CA12: variants seen among roughly 807,000 people sequenced by gnomAD.
CA12 encodes carbonate dehydratase XII.
A neutral mutation model predicts 46.8 loss-of-function variants in CA12; 36 were observed. That is an observed-to-expected ratio of 0.77 (90% CI 0.59 to 1.02). The LOEUF is 1.02. Ranked by LOEUF, CA12 falls within the 50% of genes least tolerant of loss-of-function variation. The pLI is 0.00. For missense variants in CA12, 436 were observed against 451.4 expected, an observed-to-expected ratio of 0.97 and a Z score of 0.31; for synonymous variants, 202 against 187.0, an observed-to-expected ratio of 1.08 and a Z score of -0.65.
At chr15:63,356,357 C>T (rs2039295516) in intron 2 of CA12, among the ~76,000 whole-genome samples, 1 of 152,156 alleles carries the variant, frequency 6.6e-6, no homozygotes, top group Non-Finnish European at 1.5e-5. Context: ...TGCGCCACTG[C>T]ACTCCGGCCT....
chr15:63,348,615 C>T lies in CA12; in HGVS notation c.107-1906G>A, dbSNP rs569903989. On this transcript the variant is annotated intron_variant, in intron 2 of 10. Coordinates refer to ENST00000178638, the MANE Select transcript of CA12 (RefSeq NM_001218.5). The surrounding 1 kb of genome is among the most constrained non-coding windows in gnomAD (Gnocchi z 4.6). The stretch of plus-strand genomic sequence containing the variant: ...CAGCCAGGCATGAATGCAAAAAACT[C>T]AGGAAGTAAAGAGATGCATCATTGA... Among the ~76,000 whole-genome samples, 2 of 152,234 alleles carry T rather than the reference C, an allele frequency of 1.3e-5. No homozygotes were observed. Among genetic ancestry groups the T allele is most frequent in the Non-Finnish European group, 2.9e-5 (2 of 68,046 alleles).
chr15:63,369,670 G>A (rs1006213252), intron 2 of CA12, among the ~76,000 whole-genome samples: 6 of 151,694 alleles, frequency 4.0e-5, no homozygotes, highest in African/African-American at 1.5e-4. Flanking sequence ...TAGATGCCAT[G>A]ATTCTCATCT....
chr15:63,353,243 T>C (rs1272944002), intron 2 of CA12, among the ~76,000 whole-genome samples: 1 of 152,066 alleles, frequency 6.6e-6, no homozygotes, highest in Non-Finnish European at 1.5e-5. Flanking sequence ...AAGCAGATGA[T>C]GCAGGCAGGC....
intron 2 of CA12, among the ~76,000 whole-genome samples, chr15:63,349,578 CT>C (rs1457829930): frequency 6.6e-6 from 1 of 152,192 alleles, no homozygotes. Context: ...ATCCTTATAA[CT>C]CTATAACCTT....
At chr15:63,337,027 G>A (rs373972078) in intron 8 of CA12, among the ~76,000 whole-genome samples, 14 of 152,322 alleles carry the variant, frequency 9.2e-5, no homozygotes, top group Non-Finnish European at 1.3e-4. Context: ...AAAAGACAGC[G>A]TTGTATCCAT....
chr15:63,342,049 C>A lies in CA12; in HGVS notation c.478G>T (p.Ala160Ser), dbSNP rs1309973812. ...GCGAGGCCTTCTGACTTGTTGCTGG[C>A]AGTGCTGGCGTCAGGATAAAGGTCT... ...NSDLYPDAST[A>S]SNKSEGLAVL... Residue 160 changes from alanine to serine, a missense_variant, in exon 5 of 11, where the codon GCC becomes TCC. Physicochemically the swap from Ala to Ser is moderately conservative, Grantham distance 99. Coordinates refer to ENST00000178638, the MANE Select transcript of CA12 (RefSeq NM_001218.5). 2.5e-6 allele frequency: 4 copies of A among 1,614,062 alleles called. No homozygotes were observed. The highest frequency in any genetic ancestry group is 2.5e-6 in the Non-Finnish European group (3 of 1,179,924).
intron 2 of CA12, among the ~76,000 whole-genome samples, chr15:63,349,074 T>C (rs1461964808): frequency 6.6e-6 from 1 of 152,080 alleles, no homozygotes; most frequent in Non-Finnish European, 1.5e-5. Context: ...AGAATGAGAT[T>C]CCAGCATCAG....
Position 63,342,025 on chromosome 15 carries a change from CGAGGCCTTCT to C in CA12, c.492_501del (p.Glu165LeufsTer26). On this transcript the variant is annotated frameshift_variant, in exon 5 of 11. Coordinates refer to ENST00000178638, the MANE Select transcript of CA12 (RefSeq NM_001218.5). LOFTEE classifies it high-confidence loss of function. ...ACCTCAATGAGAACAGCCAGGACAG[CGAGGCCTTCT>C]GACTTGTTGCTGGCAGTGCTGGCGT... 6.2e-7 allele frequency: 1 copy of C among 1,613,614 alleles called. No individual in the cohort carries two copies.
rs374689101 is a variant in CA12 at position 63,350,330 on chromosome 15, G to C, written c.107-3621C>G. On this transcript the variant is annotated intron_variant, in intron 2 of 10. Coordinates refer to ENST00000178638, the MANE Select transcript of CA12 (RefSeq NM_001218.5). ...GGCCTTATGCTGGCCGCTACACCCT[G>C]GGCTACCATTTTCCAACTCAGTGTC... Among the ~76,000 whole-genome samples, 22 of 152,298 alleles carry C rather than the reference G, an allele frequency of 1.4e-4. No individual in the cohort carries two copies. The South Asian group carries it at 4.4e-3, about 30-fold the overall frequency.
rs2039529587 is a variant in CA12 at position 63,373,268 on chromosome 15, G to A, written c.106+2390C>T. On this transcript the variant is annotated intron_variant, in intron 2 of 10. Coordinates refer to ENST00000178638, the MANE Select transcript of CA12 (RefSeq NM_001218.5). The surrounding 1 kb of genome is among the most constrained non-coding windows in gnomAD (Gnocchi z 4.9). ...TAATCCCAGCTACTTGGGAGGCTGA[G>A]GCAGGAGAATCCCTTGGACCCAGGA... 6.6e-6 allele frequency among the ~76,000 whole-genome samples: 1 copy of A among 152,028 alleles called. No homozygotes were observed. Among genetic ancestry groups the A allele is most frequent in the African/African-American group, 2.4e-5 (1 of 41,376 alleles).
chr15:63,356,403 T>A (rs959867211), intron 2 of CA12, among the ~76,000 whole-genome samples: 1 of 152,172 alleles, frequency 6.6e-6, no homozygotes, highest in African/African-American at 2.4e-5. Flanking sequence ...AATTAAAAAT[T>A]GTAGTAAAAT....
Position 63,345,336 on chromosome 15 carries a change from T to C in CA12, c.429+141A>G. The C allele has an allele frequency of 9.6e-7, 1 of 1,045,004 alleles. No individual in the cohort carries two copies. Among genetic ancestry groups the C allele is most frequent in the Non-Finnish European group, 1.4e-6 (1 of 706,420 alleles). 64.7% of individuals were successfully genotyped at this position (1,045,004 alleles called of 1,614,324 possible). A position where few individuals can be genotyped will look rare whatever the true frequency, so the allele number is the denominator to read the frequency against. On this transcript the variant is annotated intron_variant, in intron 4 of 10. Transcript: ENST00000178638. This position sits in a 1 kb window ranked among gnomAD's most constrained non-coding sequence, Gnocchi z 4.3. ...AGGCTAGTGGAGTGGCTGCGCCCCTTGTGCCAGGGCCAGAGGTGGGGCAGA... is the reference window on the plus strand; with the variant it reads ...AGGCTAGTGGAGTGGCTGCGCCCCTCGTGCCAGGGCCAGAGGTGGGGCAGA...
intron 1 of CA12, among the ~76,000 whole-genome samples, chr15:63,377,165 T>A (rs1474314025): frequency 6.6e-6 from 1 of 152,176 alleles, no homozygotes; most frequent in Non-Finnish European, 1.5e-5. Flanking sequence ...CCGGCCTTCC[T>A]CTTCACCTCC....
intron 2 of CA12, among the ~76,000 whole-genome samples, chr15:63,349,329 T>C (rs2039195031): frequency 6.6e-6 from 1 of 152,220 alleles, no homozygotes; most frequent in Admixed American, 6.5e-5. Flanking sequence ...CTACTGGGCA[T>C]GTGACAAGGT....
intron 2 of CA12, among the ~76,000 whole-genome samples, chr15:63,361,912 A>G (rs2039368695): frequency 6.6e-6 from 1 of 152,192 alleles, no homozygotes; most frequent in Non-Finnish European, 1.5e-5. Context: ...CCTCATTCAA[A>G]TTTTGTTAAA....
rs1351934254 is a variant in CA12, at chr15:63,340,066, T to TA, written c.747+221dup. On this transcript the variant is annotated intron_variant, in intron 7 of 10. Transcript: ENST00000178638. The surrounding 1 kb of genome is among the most constrained non-coding windows in gnomAD (Gnocchi z 4.4). The stretch of plus-strand genomic sequence containing the variant: ...AATGCAGATTTAGAGCTCTTTTTTT[T>TA]AAAAAAGAACTAGGAGACATCTATT... 6.8e-6 allele frequency: 4 copies of TA among 587,668 alleles called. No homozygotes were observed. The highest frequency in any genetic ancestry group is 1.2e-5 in the Non-Finnish European group (4 of 332,976). The allele number at this position is 587,668 out of a possible 1,614,324, so 36.4% of individuals were successfully genotyped here.
intron 2 of CA12, among the ~76,000 whole-genome samples, chr15:63,365,312 C>T (rs1056865153): frequency 2.6e-5 from 4 of 152,260 alleles, no homozygotes; most frequent in African/African-American, 9.6e-5. Flanking sequence ...AAAATCCCTG[C>T]ATTTCCTCAA....
chr15:63,338,968 C>G, intron 7 of CA12, 23 bp from the exon 8 acceptor site: 1 of 1,613,942 alleles, frequency 6.2e-7, no homozygotes, highest in Non-Finnish European at 8.5e-7. Context: ...GCAGAAATAG[C>G]CCGCAGGCAG....
At chr15:63,332,001 A>G (rs1567041224) in intron 8 of CA12, among the ~76,000 whole-genome samples, 2 of 152,210 alleles carry the variant, frequency 1.3e-5, no homozygotes. Context: ...GTATTATTTT[A>G]AAGTACACAC....
Sources: allele counts gnomAD v4.1 joint callset (sites outside exome capture counted in the v4.1 genomes callset), GRCh38; gene constraint gnomAD v4.1.1; non-coding constraint Gnocchi (gnomAD v3.1); transcripts MANE v1.5; gene names NCBI Gene and HGNC (gene_info 2026-07-23, HGNC 2026-07-21).